Variants in DLG3 observed in about 807,000 individuals in gnomAD.
The protein encoded by DLG3 is discs large MAGUK scaffold protein 3.
In DLG3, 1 loss-of-function variant was observed where a neutral mutation model predicts 64.1. The observed-to-expected ratio is 0.02, with a 90% CI of 0.01 to 0.07. The LOEUF is 0.07. Among genes scored for constraint, DLG3 ranks in the 10% least tolerant of loss-of-function variants. The pLI, the probability that DLG3 is intolerant of heterozygous loss-of-function variation, is 1.00. For missense variants in DLG3, 429 were observed against 669.5 expected (o/e 0.64, Z 3.96); for synonymous variants, 245 against 259.8 (o/e 0.94, Z 0.55).
intron 10 of DLG3, among the ~76,000 whole-genome samples, chrX:70,487,879 A>C (rs1188079858): frequency 1.8e-5 from 2 of 110,249 alleles, no homozygotes; most frequent in East Asian, 5.7e-4. Flanking sequence ...TCGAACTCCC[A>C]ACCTCAGGTG....
chrX:70,489,493 G>A (rs1244054919), intron 10 of DLG3, among the ~76,000 whole-genome samples: 2 of 110,506 alleles, frequency 1.8e-5, no homozygotes, highest in African/African-American at 6.6e-5. Context: ...AGTAGAGACG[G>A]GGTTTTGCTA....
chrX:70,486,139 C>T (rs1036000492), intron 10 of DLG3, among the ~76,000 whole-genome samples: 1 of 109,177 alleles, frequency 9.2e-6, no homozygotes, highest in African/African-American at 3.3e-5. Flanking sequence ...TTTGTTTTTA[C>T]ATGTCACATT....
At chrX:70,483,701 G>C (rs1332298592) in intron 10 of DLG3, among the ~76,000 whole-genome samples, 1 of 112,571 alleles carries the variant, frequency 8.9e-6, no homozygotes, top group African/African-American at 3.2e-5. Flanking sequence ...GGGGACGTGG[G>C]GTTTGTAGAG....
At chrX:70,467,475 T>G (rs1354764508) in intron 9 of DLG3, among the ~76,000 whole-genome samples, 1 of 112,159 alleles carries the variant, frequency 8.9e-6, no homozygotes, top group East Asian at 2.8e-4. Context: ...TTTGACAACT[T>G]AGATGAGAAG....
chrX:70,464,887 C>T lies in DLG3; in HGVS notation c.1405+10571C>T, dbSNP rs184151635. On this transcript the variant is annotated intron_variant, in intron 9 of 18. Coordinates refer to ENST00000374360, the MANE Select transcript of DLG3 (RefSeq NM_021120.4). ...AGGAGAATCTCTTGAATCTGGGAGG[C>T]GGAGGTTGCAGTGGGCTGAGATGGC... 7.2e-5 allele frequency among the ~76,000 whole-genome samples: 8 copies of T among 111,261 alleles called. No homozygotes were observed. The East Asian group carries it at 2.0e-3, about 28-fold the overall frequency.
At chrX:70,474,210 C>G (rs1016538192) in intron 9 of DLG3, among the ~76,000 whole-genome samples, 3 of 111,748 alleles carry the variant, frequency 2.7e-5, no homozygotes, top group Non-Finnish European at 3.8e-5. Context: ...GATACTTGGA[C>G]AGGGGGGCTA....
At chrX:70,447,204 G>C (rs895316319) in intron 1 of DLG3, among the ~76,000 whole-genome samples, 5 of 111,438 alleles carry the variant, frequency 4.5e-5, no homozygotes, top group African/African-American at 1.6e-4. Context: ...TTGAGTAGGG[G>C]TGGGGGCTAG....
intron 10 of DLG3, among the ~76,000 whole-genome samples, chrX:70,482,662 G>GTTTTTTTTTTTTTTTTTTTTTTT (rs774419870): frequency 1.5e-5 from 1 of 66,079 alleles, no homozygotes; most frequent in Non-Finnish European, 2.7e-5. Context: ...CATGTGTGGT[G>GTTTTTTTTTTTTTTTTTTTTTTT]TTTTTTTTTT....
chrX:70,476,484 A>G (rs1182019290), intron 9 of DLG3, among the ~76,000 whole-genome samples: 2 of 111,793 alleles, frequency 1.8e-5, no homozygotes, highest in East Asian at 5.6e-4. Flanking sequence ...TCCTGGGAAA[A>G]TGATACCTCT....
chrX:70,496,924 G>A (rs1602984560), intron 13 of DLG3, among the ~76,000 whole-genome samples: 1 of 112,573 alleles, frequency 8.9e-6, no homozygotes, highest in Admixed American at 9.4e-5. Context: ...AGAGGATGCT[G>A]CTGAAGGAAG....
chrX:70,500,106 C>G (rs1050631080), intron 16 of DLG3, 57 bp downstream of exon 16: 1 of 1,071,559 alleles, frequency 9.3e-7, no homozygotes, highest in South Asian at 2.0e-5. Flanking sequence ...CAAGGTTCCA[C>G]TTGGATCCTT....
At chrX:70,446,670 G>C (rs1400223700) in intron 1 of DLG3, among the ~76,000 whole-genome samples, 1 of 112,964 alleles carries the variant, frequency 8.9e-6, no homozygotes, top group Non-Finnish European at 1.9e-5. Flanking sequence ...TAAACTGCCA[G>C]CTTAGAAAAT....
At chrX:70,496,548 T>C (rs996621072) in intron 13 of DLG3, among the ~76,000 whole-genome samples, 6 of 112,605 alleles carry the variant, frequency 5.3e-5, no homozygotes, top group African/African-American at 1.9e-4. Context: ...AAGGTGTTTT[T>C]GTTGGTTTTG....
At chrX:70,471,533 G>T (rs747189928) in intron 9 of DLG3, among the ~76,000 whole-genome samples, 242 of 110,860 alleles carry the variant, frequency 2.2e-3, no homozygotes, top group Non-Finnish European at 4.0e-3. Context: ...GTTTCACTGT[G>T]TTAGCCAGGA....
chrX:70,449,952 C>A, intron 4 of DLG3, 93 bp downstream of exon 4: 1 of 1,056,793 alleles, frequency 9.5e-7, no homozygotes, highest in Non-Finnish European at 1.3e-6. Flanking sequence ...TGGCCTTACT[C>A]CTTGCCTGAC....
intron 10 of DLG3, among the ~76,000 whole-genome samples, chrX:70,489,808 G>T (rs745341052): frequency 9.0e-6 from 1 of 111,390 alleles, no homozygotes; most frequent in Non-Finnish European, 1.9e-5. Flanking sequence ...AGTAAACTCC[G>T]CCCTCTAATC....
At chrX:70,494,109 TTGC>T (rs1397685063) in intron 12 of DLG3, among the ~76,000 whole-genome samples, 1 of 112,340 alleles carries the variant, frequency 8.9e-6, no homozygotes, top group African/African-American at 3.2e-5. Context: ...GGAAGGAGTG[TTGC>T]TCCACATTGT....
At chrX:70,502,098 GATTGCT>G in intron 18 of DLG3, 59 bp from the exon 19 acceptor site, 3 of 850,464 alleles carry the variant, frequency 3.5e-6, no homozygotes, top group Non-Finnish European at 5.2e-6. Flanking sequence ...GGAGAGGCAG[GATTGCT>G]GGGTTTGGGG....
Position 70,499,952 on chromosome X carries a change from A to G in DLG3, c.2048A>G (p.Glu683Gly). The G allele has an allele frequency of 8.3e-7, 1 of 1,210,611 alleles. No homozygotes were observed. Among genetic ancestry groups the G allele is most frequent in the East Asian group, 3.0e-5 (1 of 33,822 alleles). ...YHFVVSREQM[E>G]KDIQDNKFIE... ...TTTGTGGTGTCCCGAGAACAAATGGAGAAAGATATTCAGGACAACAAGTTC... is the reference window on the plus strand; with the variant it reads ...TTTGTGGTGTCCCGAGAACAAATGGGGAAAGATATTCAGGACAACAAGTTC... The change falls in exon 16 of 19, where the codon GAG becomes GGG. Residue 683 changes from glutamate (E) to glycine (G), a missense_variant. This residue lies in a region of DLG3 where 7 missense variants were observed against 41.4 expected (regional missense o/e 0.17). Coordinates refer to ENST00000374360, the MANE Select transcript of DLG3 (RefSeq NM_021120.4).
Sources: gnomAD v4.1 joint callset for allele counts (sites outside exome capture counted in the v4.1 genomes callset) on GRCh38, gnomAD v4.1.1 for gene constraint, gnomAD v4.1.1 regional missense constraint, MANE v1.5 for transcripts, NCBI Gene and HGNC (gene_info 2026-07-23, HGNC 2026-07-21) for gene names.